DYM: variants seen among roughly 807,000 people sequenced by gnomAD.
The protein encoded by DYM is dymeclin.
A neutral mutation model predicts 93.1 loss-of-function variants in DYM; 78 were observed. The observed-to-expected ratio is 0.84, with a 90% CI of 0.70 to 1.01. The LOEUF (loss-of-function observed/expected upper bound fraction) is 1.01, where lower values mean the gene tolerates loss of function less well. Ranked by LOEUF, DYM falls within the 50% of genes least tolerant of loss-of-function variation. The probability of loss-of-function intolerance (pLI) is 0.00; values close to 1 mark genes in which losing one functional copy is unlikely to be tolerated. For missense variants in DYM, 789 were observed against 845.0 expected, an observed-to-expected ratio of 0.93 and a Z score of 0.82; for synonymous variants, 321 against 319.7, an observed-to-expected ratio of 1.00 and a Z score of -0.04.
intron 15 of DYM, among the ~76,000 whole-genome samples, chr18:49,133,328 T>A (rs942772371): frequency 6.6e-6 from 1 of 152,170 alleles, no homozygotes; most frequent in Non-Finnish European, 1.5e-5. Flanking sequence ...ACAAAAAATT[T>A]TCAAAATTTT....
At chr18:49,262,569 A>C (rs1443620196) in intron 11 of DYM, among the ~76,000 whole-genome samples, 1 of 152,210 alleles carries the variant, frequency 6.6e-6, no homozygotes, top group African/African-American at 2.4e-5. Context: ...ATATTGATAC[A>C]TATAAGAAGA....
In DYM at chr18:49,044,208, C is replaced by T. The variant is rs1306006048; in HGVS notation, c.2026-4G>A. On this transcript the variant is annotated splice_polypyrimidine_tract_variant and splice_region_variant and intron_variant, in intron 17 of 17. Transcript: ENST00000675505. ...TGAATTTCAATTCTGGAAATTTCTG[C>T]AATGAAAATAAGATGATTTTATAAT... 6.2e-7 allele frequency: 1 copy of T among 1,614,054 alleles called. No individual in the cohort carries two copies. Among genetic ancestry groups the T allele is most frequent in the Admixed American group, 1.7e-5 (1 of 60,012 alleles).
At chr18:49,120,436 C>T (rs1252693934) in intron 15 of DYM, among the ~76,000 whole-genome samples, 2 of 152,066 alleles carry the variant, frequency 1.3e-5, no homozygotes, top group African/African-American at 4.8e-5. Context: ...TACAGTATAC[C>T]ATACCTTTAA....
intron 2 of DYM, among the ~76,000 whole-genome samples, chr18:49,394,963 C>T (rs1392229741): frequency 6.6e-6 from 1 of 151,990 alleles, no homozygotes; most frequent in East Asian, 1.9e-4. Context: ...GAAACTAGAC[C>T]CCTATCTCTA....
rs151034190 is a variant in DYM, at chr18:49,097,503, A to G, written c.1924T>C (p.Phe642Leu). ...MQNIDLVISF[F>L]SSRLLQAGAE... is the part of the protein sequence containing the mutation. ...CCAGCTTGCAGCAACCTTGAGCTAA[A>G]GAAGGAGATCACCTGTAATGTAAAG... Residue 642 changes from phenylalanine to leucine, a missense_variant, in exon 17 of 18, where the codon TTT (phenylalanine) becomes CTT (leucine). Phe to Leu is a conservative substitution (Grantham distance 22). Coordinates refer to ENST00000675505, the MANE Select transcript of DYM (RefSeq NM_001353214.3). The G allele has an allele frequency of 8.4e-5, 136 of 1,613,928 alleles. 1 individual carries two copies. The East Asian group carries it at 1.9e-3, about 23-fold the overall frequency.
chr18:49,191,887 G>A (rs1236734921), intron 14 of DYM, among the ~76,000 whole-genome samples: 1 of 152,060 alleles, frequency 6.6e-6, no homozygotes, highest in African/African-American at 2.4e-5. Flanking sequence ...GGCTTTGGGG[G>A]CCAGAATGTT....
chr18:49,176,137 G>T (rs571870048), intron 14 of DYM, among the ~76,000 whole-genome samples: 2 of 152,126 alleles, frequency 1.3e-5, no homozygotes, highest in South Asian at 4.2e-4. Flanking sequence ...CCTAGCTAAG[G>T]TAACTAAAGT....
At chr18:49,166,933 G>A (rs533419164) in intron 14 of DYM, among the ~76,000 whole-genome samples, 3 of 151,518 alleles carry the variant, frequency 2.0e-5, no homozygotes, top group African/African-American at 7.3e-5. Context: ...GAAAAAATAA[G>A]AACTCAGGAG....
At chr18:49,164,016 T>A (rs565250162) in intron 14 of DYM, among the ~76,000 whole-genome samples, 6 of 152,134 alleles carry the variant, frequency 3.9e-5, no homozygotes, top group Admixed American at 3.3e-4. Flanking sequence ...TTAATGACAG[T>A]TTAAAATTAT....
At chr18:49,239,150 C>A (rs2093956378) in intron 13 of DYM, among the ~76,000 whole-genome samples, 1 of 152,032 alleles carries the variant, frequency 6.6e-6, no homozygotes, top group African/African-American at 2.4e-5. Flanking sequence ...AGTGAAGACA[C>A]CTGTACTAGA....
intron 8 of DYM, among the ~76,000 whole-genome samples, chr18:49,323,787 A>G (rs530797233): frequency 5.8e-4 from 89 of 152,334 alleles, no homozygotes; most frequent in Admixed American, 1.6e-3. Flanking sequence ...ATACTTTACC[A>G]TCTAACATCC....
At chr18:49,143,645 A>T (rs1018711612) in intron 15 of DYM, among the ~76,000 whole-genome samples, 1 of 152,150 alleles carries the variant, frequency 6.6e-6, no homozygotes, top group African/African-American at 2.4e-5. Context: ...TATTTAACTT[A>T]AAAAAATTGT....
chr18:49,039,072 C>A lies in DYM; in HGVS notation c.*4983G>T, dbSNP rs529413529. On this transcript the variant is annotated 3_prime_UTR_variant, in exon 18 of 18. Coordinates refer to ENST00000675505, the MANE Select transcript of DYM (RefSeq NM_001353214.3). ...GATTATTTTCCTTCTGCCTGTAAAA[C>A]ACCTTTTAAATTTTCCTTTAGGGTA... Among the ~76,000 whole-genome samples the A allele has an allele frequency of 6.6e-6, 1 of 152,288 alleles. No individual in the cohort carries two copies. Among genetic ancestry groups the A allele is most frequent in the East Asian group, 1.9e-4 (1 of 5,194 alleles).
intron 13 of DYM, among the ~76,000 whole-genome samples, chr18:49,253,449 G>T (rs955288973): frequency 6.6e-6 from 1 of 152,128 alleles, no homozygotes; most frequent in Non-Finnish European, 1.5e-5. Context: ...TCCAGCTCAA[G>T]ACAAATATTT....
At chr18:49,102,981 G>A (rs1298631646) in intron 16 of DYM, among the ~76,000 whole-genome samples, 2 of 152,172 alleles carry the variant, frequency 1.3e-5, no homozygotes, top group African/African-American at 4.8e-5. Context: ...GATCCTTGAG[G>A]AATCGCCACA....
intron 15 of DYM, among the ~76,000 whole-genome samples, chr18:49,134,148 A>G (rs985318660): frequency 6.6e-6 from 1 of 152,228 alleles, no homozygotes; most frequent in Non-Finnish European, 1.5e-5. Context: ...GGTGGTAGGT[A>G]TATGGGCATT....
intron 14 of DYM, among the ~76,000 whole-genome samples, chr18:49,164,026 T>C (rs2087549099): frequency 6.6e-6 from 1 of 152,188 alleles, no homozygotes; most frequent in Non-Finnish European, 1.5e-5. Context: ...TTTAAAATTA[T>C]GTTTCAAACA....
chr18:49,418,480 A>T (rs80202007), intron 2 of DYM, among the ~76,000 whole-genome samples: 13,907 of 152,214 alleles, frequency 0.091, 861 homozygotes, highest in East Asian at 0.31. Context: ...ATAATTTAAG[A>T]AAGATTTTAG....
At chr18:49,243,911 C>G (rs1432560418) in intron 13 of DYM, among the ~76,000 whole-genome samples, 1 of 152,006 alleles carries the variant, frequency 6.6e-6, no homozygotes, top group Non-Finnish European at 1.5e-5. Context: ...CTAATGGGTC[C>G]ATGAAAGTTT....
Sources: allele counts gnomAD v4.1 joint callset (sites outside exome capture counted in the v4.1 genomes callset), GRCh38; gene constraint gnomAD v4.1.1; transcripts MANE v1.5; gene names NCBI Gene and HGNC (gene_info 2026-07-23, HGNC 2026-07-21).